Variants in MTUS1 observed in about 807,000 individuals in gnomAD.
MTUS1 encodes microtubule associated scaffold protein 1.
A neutral mutation model predicts 120.8 loss-of-function variants in MTUS1; 109 were observed. That is an observed-to-expected ratio of 0.90 (90% CI 0.77 to 1.06). MTUS1 has a LOEUF of 1.06. MTUS1 is among the 50% of genes least tolerant of loss of function. The probability of loss-of-function intolerance (pLI) is 0.00; values close to 1 mark genes in which losing one functional copy is unlikely to be tolerated. For missense variants in MTUS1, 2,210 were observed against 1,486.3 expected (o/e 1.49, Z -8.01); for synonymous variants, 737 against 550.5 (o/e 1.34, Z -4.74).
intron 6 of MTUS1, among the ~76,000 whole-genome samples, chr8:17,701,128 C>G (rs1585796456): frequency 6.6e-6 from 1 of 152,134 alleles, no homozygotes; most frequent in East Asian, 1.9e-4. Flanking sequence ...TGTGGAGATT[C>G]AAGCATCTCT....
Position 17,684,337 on chromosome 8 carries a change from C to G in MTUS1, c.2829G>C (p.Leu943=). ...FEALTVVIQH[L]LSEREEALKQ... is the part of the protein sequence containing the mutation. The stretch of plus-strand genomic sequence containing the variant: ...GGATGCACCTCCTTACCTCAGACAG[C>G]AGGTGCTGAATCACAACTGTCAATG... Residue 943 remains leucine (L), a synonymous_variant, in exon 7 of 15, where the codon CTG becomes CTC. Coordinates refer to ENST00000693296, the MANE Select transcript of MTUS1 (RefSeq NM_001363059.2). 1.2e-6 allele frequency: 2 copies of G among 1,613,046 alleles called. No homozygotes were observed. The highest frequency in any genetic ancestry group is 1.7e-6 in the Non-Finnish European group (2 of 1,178,972).
intron 1 of MTUS1, among the ~76,000 whole-genome samples, chr8:17,785,371 G>C (rs2051219755): frequency 6.6e-6 from 1 of 152,186 alleles, no homozygotes; most frequent in East Asian, 1.9e-4. Flanking sequence ...GATAAAGCTT[G>C]AGCTGAGACT....
At chr8:17,662,292 G>A (rs1363406939) in intron 8 of MTUS1, among the ~76,000 whole-genome samples, 1 of 150,864 alleles carries the variant, frequency 6.6e-6, no homozygotes, top group Non-Finnish European at 1.5e-5. Context: ...ATGGACATGC[G>A]AATGTTTGAA....
rs371048746 is a variant in MTUS1, at chr8:17,755,449, C to G, written c.359G>C (p.Ser120Thr). 1.2e-6 allele frequency: 2 copies of G among 1,614,192 alleles called. No individual in the cohort carries two copies. The highest frequency in any genetic ancestry group is 1.7e-6 in the Non-Finnish European group (2 of 1,180,002). Residue 120 changes from serine to threonine, a missense_variant, in exon 2 of 15, where the codon AGT (serine) becomes ACT (threonine). Transcript: ENST00000693296. ...CTCAACTGCTTCTAGGGAATGACAA[C>G]TGTGTTGCAGATATTTGGGCTTCTC... ...GTEKPKYLQH[S>T]CHSLEAVEGQ...
intron 3 of MTUS1, among the ~76,000 whole-genome samples, chr8:17,735,935 C>G (rs905636651): frequency 6.6e-6 from 1 of 152,212 alleles, no homozygotes; most frequent in Non-Finnish European, 1.5e-5. Flanking sequence ...GCCAGGACAG[C>G]TGAGGTGGAA....
chr8:17,656,165 A>G, intron 8 of MTUS1, 100 bp from the exon 9 acceptor site: 1 of 1,036,358 alleles, frequency 9.6e-7, no homozygotes, highest in Non-Finnish European at 1.5e-6. Context: ...CCTGAAGCAT[A>G]CACCCATGAT....
chr8:17,682,619 G>A (rs1293850927), intron 7 of MTUS1, among the ~76,000 whole-genome samples: 2 of 151,960 alleles, frequency 1.3e-5, no homozygotes, highest in Admixed American at 6.6e-5. Context: ...ACATAGGAAG[G>A]GGAAAAGCAC....
At chr8:17,797,071 G>A (rs1007286410) in intron 1 of MTUS1, among the ~76,000 whole-genome samples, 10 of 151,696 alleles carry the variant, frequency 6.6e-5, no homozygotes, top group Admixed American at 2.0e-4. Context: ...GAGATCGCAC[G>A]CACCACTGCA....
At chr8:17,767,623 C>A (rs1236468771) in intron 1 of MTUS1, among the ~76,000 whole-genome samples, 1 of 148,768 alleles carries the variant, frequency 6.7e-6, no homozygotes, top group Non-Finnish European at 1.5e-5. Flanking sequence ...TGCCTGAGCC[C>A]AGGATTTCGA....
chr8:17,715,450 G>A (rs79053730), intron 5 of MTUS1, among the ~76,000 whole-genome samples: 5,088 of 152,170 alleles, frequency 0.033, 114 homozygotes, highest in Non-Finnish European at 0.052. Flanking sequence ...CTGATGAAAA[G>A]TAATCATGCA....
intron 3 of MTUS1, among the ~76,000 whole-genome samples, chr8:17,739,623 T>G (rs925203879): frequency 1.1e-4 from 17 of 152,228 alleles, no homozygotes; most frequent in Admixed American, 4.6e-4. Flanking sequence ...TCTGCCACTT[T>G]CCAGCTGTTT....
chr8:17,719,152 AGAGT>A (rs1407437570), intron 4 of MTUS1, among the ~76,000 whole-genome samples: 1 of 151,978 alleles, frequency 6.6e-6, no homozygotes, highest in Non-Finnish European at 1.5e-5. Context: ...CCTGGGCAAC[AGAGT>A]GAGACTCTGT....
At chr8:17,739,554 T>C (rs574307737) in intron 3 of MTUS1, among the ~76,000 whole-genome samples, 1 of 152,144 alleles carries the variant, frequency 6.6e-6, no homozygotes, top group South Asian at 2.1e-4. Flanking sequence ...GCCATACTAA[T>C]AGTATTGAGA....
chr8:17,682,388 G>A (rs1007309761), intron 7 of MTUS1, among the ~76,000 whole-genome samples: 2 of 151,884 alleles, frequency 1.3e-5, no homozygotes, highest in Non-Finnish European at 2.9e-5. Flanking sequence ...CATGGTGGCG[G>A]GTGCCTGTAA....
chr8:17,655,799 G>C, intron 9 of MTUS1, 64 bp downstream of exon 9: 2 of 1,421,286 alleles, frequency 1.4e-6, no homozygotes, highest in Non-Finnish European at 2.0e-6. Flanking sequence ...AAGATGTGAA[G>C]AGCAACCAGG....
chr8:17,647,370 T>C (rs1264074175), intron 13 of MTUS1: 2 of 272,034 alleles, frequency 7.4e-6, no homozygotes, highest in East Asian at 1.6e-4. Flanking sequence ...AATTGGTGCC[T>C]CTTTCTGTTT....
At chr8:17,646,498 G>A (rs1805822299) in intron 14 of MTUS1, among the ~76,000 whole-genome samples, 1 of 152,132 alleles carries the variant, frequency 6.6e-6, no homozygotes, top group Non-Finnish European at 1.5e-5. Context: ...TGAGGTGGGA[G>A]GACTGCTCGA....
intron 3 of MTUS1, among the ~76,000 whole-genome samples, chr8:17,731,580 C>G (rs893751651): frequency 6.6e-6 from 1 of 151,818 alleles, no homozygotes; most frequent in African/African-American, 2.4e-5. Context: ...GAGTAGGGAC[C>G]GTCTTATTAT....
chr8:17,706,045 T>C (rs1347969917), intron 6 of MTUS1: 2 of 152,174 alleles, frequency 1.3e-5, no homozygotes, highest in Admixed American at 1.3e-4. Flanking sequence ...TTACAACAGT[T>C]AGACCCCAAG....
Sources: gnomAD v4.1 joint callset for allele counts (sites outside exome capture counted in the v4.1 genomes callset) on GRCh38, gnomAD v4.1.1 for gene constraint, MANE v1.5 for transcripts, NCBI Gene and HGNC (gene_info 2026-07-23, HGNC 2026-07-21) for gene names.